Variants in CNKSR2 observed in about 807,000 individuals in gnomAD.
CNKSR2 encodes the protein connector enhancer of kinase suppressor of Ras 2.
Under a neutral mutation model 84.4 loss-of-function variants are expected in CNKSR2, and 14 were observed. The observed-to-expected ratio is 0.17, with a 90% CI of 0.11 to 0.26. CNKSR2 has a LOEUF of 0.26. Ranked by LOEUF, CNKSR2 falls within the 10% of genes least tolerant of loss-of-function variation. CNKSR2 has a pLI of 1.00. For synonymous variants in CNKSR2, 275 were observed against 277.9 expected (o/e 0.99, Z 0.10); for missense variants, 485 against 771.2 (o/e 0.63, Z 4.40).
intron 15 of CNKSR2, chrX:21,593,890 C>T (rs1333061287): frequency 9.0e-6 from 1 of 111,563 alleles, no homozygotes; most frequent in Admixed American, 9.5e-5. Context: ...TAAATTAGTT[C>T]AGCCATTGTG....
intron 15 of CNKSR2, chrX:21,593,503 A>C (rs1214747217): frequency 8.9e-6 from 1 of 112,086 alleles, no homozygotes; most frequent in Non-Finnish European, 1.9e-5. Context: ...TATAGCACAG[A>C]TCAAATGAAA....
At chrX:21,630,394 A>G (rs771744365) in intron 20 of CNKSR2, among the ~76,000 whole-genome samples, 63 of 112,372 alleles carry the variant, frequency 5.6e-4, no homozygotes, top group Non-Finnish European at 1.1e-3. Context: ...AATAATAGCT[A>G]ACATTTCTAA....
Position 21,490,462 on chromosome X carries a change from A to G in CNKSR2, c.565A>G (p.Lys189Glu). Reference protein sequence around the residue: ...ETENKILHVCKTLSGVCDHII... With the variant: ...ETENKILHVCETLSGVCDHII... ...ATTTTTGTTTTTGTGCTTCCAGTGT[A>G]AAACTCTTTCTGGAGTCTGTGACCA... Residue 189 changes from lysine to glutamate, a missense_variant, in exon 6 of 22, where the codon AAA becomes GAA. Physicochemically the swap from Lys to Glu is moderately conservative, Grantham distance 56 (BLOSUM62 1). This residue lies in a region of CNKSR2 where 109 missense variants were observed against 197.5 expected (regional missense o/e 0.55). Transcript: ENST00000379510. 1 of 1,201,267 alleles carries G rather than the reference A, an allele frequency of 8.3e-7. No individual in the cohort carries two copies.
At chrX:21,651,498 A>G in intron 21 of CNKSR2, among the ~76,000 whole-genome samples, 1 of 111,001 alleles carries the variant, frequency 9.0e-6, no homozygotes, top group East Asian at 2.8e-4. Context: ...TAACCACCTT[A>G]CTGTTTTCTT....
intron 13 of CNKSR2, among the ~76,000 whole-genome samples, chrX:21,570,501 C>G (rs1446651910): frequency 9.0e-6 from 1 of 111,276 alleles, no homozygotes; most frequent in East Asian, 2.9e-4. Context: ...TCTATCCAGA[C>G]CACTCAAACT....
intron 2 of CNKSR2, chrX:21,428,925 A>G (rs1442346568): frequency 8.9e-6 from 1 of 111,770 alleles, no homozygotes; most frequent in Admixed American, 9.5e-5. Context: ...GCAATGTATT[A>G]TAAAGCTAAA....
rs113629606 is a variant in CNKSR2, at chrX:21,526,786, ATTGTTG to A, written c.958-54_958-49del. The A allele has an allele frequency of 8.9e-4, 681 of 763,700 alleles. 2 individuals are homozygous for A. The highest frequency in any genetic ancestry group is 4.4e-3 in the African/African-American group (203 of 45,778). 62.9% of individuals were successfully genotyped at this position (763,700 alleles called of 1,213,427 possible). A position where few individuals can be genotyped will look rare whatever the true frequency, so the allele number is the denominator to read the frequency against. ...AATTTTAAAATGATAACTATGTGTC[ATTGTTG>A]TTGTTGTTGTTGTTGTTGTTGTTGT... is the stretch of plus-strand genomic sequence containing the variant. On this transcript the variant is annotated intron_variant, in intron 9 of 21. Transcript: ENST00000379510.
intron 5 of CNKSR2, among the ~76,000 whole-genome samples, chrX:21,484,271 A>G (rs940973317): frequency 9.0e-6 from 1 of 111,570 alleles, no homozygotes; most frequent in Non-Finnish European, 1.9e-5. Flanking sequence ...AGCCCTGGCG[A>G]CAGAGTGAGA....
At chrX:21,611,677 G>C (rs2092551034) in intron 20 of CNKSR2, among the ~76,000 whole-genome samples, 1 of 111,618 alleles carries the variant, frequency 9.0e-6, no homozygotes, top group African/African-American at 3.3e-5. Flanking sequence ...AAGTTGGTTG[G>C]GTTTTTTCTT....
intron 1 of CNKSR2, chrX:21,425,056 C>T (rs762033631): frequency 4.5e-5 from 5 of 111,522 alleles, no homozygotes; most frequent in Non-Finnish European, 9.4e-5. Flanking sequence ...CAGTTCTTAT[C>T]CACATTTAAA....
intron 20 of CNKSR2, among the ~76,000 whole-genome samples, chrX:21,610,485 C>T (rs892249167): frequency 1.2e-4 from 14 of 112,146 alleles, no homozygotes; most frequent in African/African-American, 4.2e-4. Context: ...AAGTCCTGAA[C>T]ATAAAATGCA....
intron 11 of CNKSR2, among the ~76,000 whole-genome samples, chrX:21,555,819 A>T (rs1366744406): frequency 1.8e-5 from 2 of 111,404 alleles, no homozygotes; most frequent in Non-Finnish European, 3.8e-5. Flanking sequence ...GTAAGAGAAG[A>T]TTGCTTCTCA....
At chrX:21,584,033 A>T (rs145561095) in intron 13 of CNKSR2, among the ~76,000 whole-genome samples, 52 of 112,585 alleles carry the variant, frequency 4.6e-4, no homozygotes, top group African/African-American at 1.6e-3. Flanking sequence ...TATGATTTCA[A>T]CACATTCATT....
chrX:21,457,247 G>A (rs190118405), intron 4 of CNKSR2, among the ~76,000 whole-genome samples: 231 of 111,161 alleles, frequency 2.1e-3, no homozygotes, highest in Non-Finnish European at 3.0e-3. Flanking sequence ...GTTTATTTTT[G>A]CTTTTATTGC....
At chrX:21,516,420 G>T in intron 8 of CNKSR2, 65 bp from the exon 9 acceptor site, 31 of 1,066,557 alleles carry the variant, frequency 2.9e-5, no homozygotes, top group Non-Finnish European at 3.9e-5. Context: ...TTATTAAAGG[G>T]GGAGAACATT....
chrX:21,652,232 C>A, intron 21 of CNKSR2, 74 bp from the exon 22 acceptor site: 1 of 875,641 alleles, frequency 1.1e-6, no homozygotes, highest in Non-Finnish European at 1.6e-6. Flanking sequence ...AAATGTTTTG[C>A]CTATTAACTT....
chrX:21,501,699 G>A (rs1219828475), intron 8 of CNKSR2, 111 bp downstream of exon 8: 10 of 368,648 alleles, frequency 2.7e-5, no homozygotes, highest in Non-Finnish European at 4.7e-5. Context: ...ATATTGAACA[G>A]CCTTTTGAAA....
In CNKSR2 at chrX:21,609,171, T is replaced by A; in HGVS notation, c.2246T>A (p.Val749Glu). The A allele has an allele frequency of 8.3e-7, 1 of 1,211,434 alleles. No individual in the cohort carries two copies. Among genetic ancestry groups the A allele is most frequent in the Non-Finnish European group, 1.1e-6 (1 of 895,187 alleles). The change falls in exon 20 of 22, where the codon GTA becomes GAA. Residue 749 changes from valine (V) to glutamate (E), a missense_variant. Physicochemically the swap from Val to Glu is moderately radical, Grantham distance 121. Around this residue, in one of 5 missense-constraint regions of CNKSR2, gnomAD observed 210 missense variants for 291.5 expected, o/e 0.72. Coordinates refer to ENST00000379510, the MANE Select transcript of CNKSR2 (RefSeq NM_014927.5). Reference sequence around the variant, plus strand: ...TCTCATGAGGAGTTTCGCCAGGAAGTAACTGGGAGCAGTGCAGTGTCTCCC... The same window carrying A: ...TCTCATGAGGAGTTTCGCCAGGAAGAAACTGGGAGCAGTGCAGTGTCTCCC... ...QSSHEEFRQE[V>E]TGSSAVSPIR...
chrX:21,383,009 A>G (rs1186228782), intron 1 of CNKSR2, among the ~76,000 whole-genome samples: 1 of 111,821 alleles, frequency 8.9e-6, no homozygotes, highest in African/African-American at 3.2e-5. Context: ...AAATTTTTCT[A>G]ATAAAGCCTG....
Sources: gnomAD v4.1 joint callset for allele counts (sites outside exome capture counted in the v4.1 genomes callset) on GRCh38, gnomAD v4.1.1 for gene constraint, gnomAD v4.1.1 regional missense constraint, MANE v1.5 for transcripts, NCBI Gene and HGNC (gene_info 2026-07-23, HGNC 2026-07-21) for gene names.